The following SNU13 variants were observed in gnomAD, a reference collection of about 807,000 sequenced individuals.
SNU13 encodes the protein NHP2-like protein 1.
A neutral mutation model predicts 12.4 loss-of-function variants in SNU13; 2 were observed. The ratio of observed to expected loss-of-function variants is 0.16; its 90% CI spans 0.07 to 0.51. The LOEUF is 0.51. Ranked by LOEUF, SNU13 falls within the 20% of genes least tolerant of loss-of-function variation. The pLI, the probability that SNU13 is intolerant of heterozygous loss-of-function variation, is 0.96. For missense variants in SNU13, 66 were observed against 157.8 expected (o/e 0.42, Z 3.12); for synonymous variants, 68 against 66.5 (o/e 1.02, Z -0.11).
chr22:41,682,224 T>G (rs541578653), intron 1 of SNU13: 865 of 950,362 alleles, frequency 9.1e-4, no homozygotes, highest in Non-Finnish European at 1.2e-3. Context: ...GGTGGTCTCC[T>G]GCCCGACACC....
At chr22:41,688,675 A>T in intron 1 of SNU13, 119 bp downstream of exon 1, 1 of 1,389,230 alleles carries the variant, frequency 7.2e-7, no homozygotes, top group Non-Finnish European at 9.7e-7. Context: ...CCCGGCGGTT[A>T]AGACCCAACG....
chr22:41,681,735 G>A (rs534402032), intron 1 of SNU13, among the ~76,000 whole-genome samples: 9 of 152,284 alleles, frequency 5.9e-5, no homozygotes, highest in Admixed American at 5.9e-4. Flanking sequence ...TGTAGGGGAC[G>A]AGCGCGGTGT....
intron 1 of SNU13, among the ~76,000 whole-genome samples, chr22:41,686,462 G>A (rs1238729484): frequency 2.0e-5 from 3 of 151,406 alleles, no homozygotes; most frequent in Admixed American, 6.6e-5. Flanking sequence ...GCACCACCAC[G>A]CCCAGCTAAT....
intron 1 of SNU13, chr22:41,687,757 C>T (rs2068323678): frequency 1.3e-5 from 2 of 152,318 alleles, no homozygotes; most frequent in Non-Finnish European, 2.9e-5. Flanking sequence ...GTTTACCATG[C>T]TTTATTTCAT....
intron 2 of SNU13, 94 bp downstream of exon 2, chr22:41,680,150 C>A: frequency 7.0e-7 from 1 of 1,436,258 alleles, no homozygotes. Flanking sequence ...TCGAGAGCAG[C>A]TAGCCCTCCT....
intron 2 of SNU13, 118 bp downstream of exon 2, chr22:41,680,126 C>A: frequency 7.7e-7 from 1 of 1,290,542 alleles, no homozygotes; most frequent in Non-Finnish European, 1.0e-6. Context: ...CCAAAGTCCT[C>A]CCACTGGTTG....
chr22:41,688,975 A>G (rs1023227770), upstream of SNU13: 20 of 1,346,222 alleles, frequency 1.5e-5, no homozygotes, highest in South Asian at 3.6e-5. Flanking sequence ...TGGCGCGGAA[A>G]CTGGCCCTGT....
upstream of SNU13, chr22:41,689,050 A>C: frequency 8.0e-7 from 1 of 1,244,526 alleles, no homozygotes; most frequent in Non-Finnish European, 1.0e-6. Flanking sequence ...GGCAGAAACA[A>C]TGAATTAAAC....
At chr22:41,687,981 C>T (rs1379235639) in intron 1 of SNU13, 1 of 152,194 alleles carries the variant, frequency 6.6e-6, no homozygotes, top group Non-Finnish European at 1.5e-5. Flanking sequence ...CGCCGGGATC[C>T]AAGCTCCACT....
intron 1 of SNU13, among the ~76,000 whole-genome samples, chr22:41,681,711 G>A (rs1362856013): frequency 6.6e-6 from 1 of 152,180 alleles, no homozygotes; most frequent in African/African-American, 2.4e-5. Context: ...TCAGATCTGT[G>A]TCAAAATAAC....
chr22:41,682,075 T>C (rs944067479), intron 1 of SNU13, among the ~76,000 whole-genome samples: 2 of 152,108 alleles, frequency 1.3e-5, no homozygotes, highest in Non-Finnish European at 2.9e-5. Context: ...CATGTCGCCA[T>C]CGTGTGTAAC....
chr22:41,679,248 G>GA (rs34419955), intron 2 of SNU13, among the ~76,000 whole-genome samples: 2 of 149,236 alleles, frequency 1.3e-5, no homozygotes, highest in African/African-American at 2.5e-5. Flanking sequence ...GTCTCTACTT[G>GA]AAAAAAAATA....
intron 2 of SNU13, among the ~76,000 whole-genome samples, chr22:41,675,744 CTTTTT>C (rs113676499): frequency 3.0e-5 from 4 of 134,328 alleles, no homozygotes; most frequent in Non-Finnish European, 6.4e-5. Flanking sequence ...TTTTTTCTTT[CTTTTT>C]TTTTTTTTTT....
upstream of SNU13, chr22:41,688,900 C>G (rs1180373699): frequency 2.0e-6 from 3 of 1,476,650 alleles, no homozygotes; most frequent in Non-Finnish European, 2.7e-6. Flanking sequence ...CGGAAATGGC[C>G]CCGCGCGGCA....
intron 1 of SNU13, among the ~76,000 whole-genome samples, chr22:41,685,364 A>T (rs184843697): frequency 8.6e-4 from 130 of 151,240 alleles, no homozygotes; most frequent in Admixed American, 3.0e-3. Flanking sequence ...TTTATTTTTT[A>T]TTTTTTGAGA....
chr22:41,686,218 T>C (rs557164507), intron 1 of SNU13, among the ~76,000 whole-genome samples: 1 of 152,254 alleles, frequency 6.6e-6, no homozygotes, highest in African/African-American at 2.4e-5. Flanking sequence ...ACTTGTTCTG[T>C]TTCTTTTTCT....
intron 1 of SNU13, chr22:41,687,665 C>A (rs2068322418): frequency 6.6e-6 from 1 of 152,226 alleles, no homozygotes; most frequent in Non-Finnish European, 1.5e-5. Flanking sequence ...TTTCGCTGTA[C>A]ACCAGACAGC....
In SNU13 at chr22:41,674,612, A is replaced by T. The variant is rs765198770; in HGVS notation, c.*321T>A. 3 of 305,514 alleles carry T rather than the reference A, an allele frequency of 9.8e-6. No homozygotes were observed. Among genetic ancestry groups the T allele is most frequent in the East Asian group, 7.3e-5 (1 of 13,766 alleles). The allele number at this position is 305,514 out of a possible 1,614,324, so 18.9% of individuals were successfully genotyped here. On this transcript the variant is annotated 3_prime_UTR_variant, in exon 3 of 3. Coordinates refer to ENST00000401959, the MANE Select transcript of SNU13 (RefSeq NM_001003796.2). ...GCTAGTGGCTGAAAGCTGGAACCAG[A>T]TCTCTGTCCTGGCTCCATCAGCTTT...
At chr22:41,684,221 T>G (rs963938595) in intron 1 of SNU13, among the ~76,000 whole-genome samples, 3 of 152,068 alleles carry the variant, frequency 2.0e-5, no homozygotes, top group African/African-American at 7.2e-5. Flanking sequence ...AGAGGTTTAA[T>G]AGGCAAAAGA....
Sources: allele counts gnomAD v4.1 joint callset (sites outside exome capture counted in the v4.1 genomes callset), GRCh38; gene constraint gnomAD v4.1.1; transcripts MANE v1.5; gene names NCBI Gene and HGNC (gene_info 2026-07-23, HGNC 2026-07-21).